The following CREB5 variants were observed in gnomAD, a reference collection of about 807,000 sequenced individuals.
The protein encoded by CREB5 is cyclic AMP-responsive element-binding protein 5.
In CREB5, 19 loss-of-function variants were observed where a neutral mutation model predicts 57.1. The observed-to-expected ratio is 0.33, with a 90% CI of 0.23 to 0.49. The LOEUF is 0.49. CREB5 is among the 20% of genes least tolerant of loss of function. The pLI, the probability that CREB5 is intolerant of heterozygous loss-of-function variation, is 0.99. For synonymous variants in CREB5, 238 were observed against 238.3 expected (o/e 1.00, Z 0.01); for missense variants, 579 against 671.6 (o/e 0.86, Z 1.52).
intron 5 of CREB5, among the ~76,000 whole-genome samples, chr7:28,580,009 T>C (rs918322205): frequency 1.3e-5 from 2 of 152,120 alleles, no homozygotes; most frequent in Admixed American, 6.6e-5. Flanking sequence ...AGAAGGTAAA[T>C]GAGGTAGTAG....
At chr7:28,481,417 G>A (rs1480532165) in intron 1 of CREB5, among the ~76,000 whole-genome samples, 1 of 152,068 alleles carries the variant, frequency 6.6e-6, no homozygotes, top group Non-Finnish European at 1.5e-5. Context: ...GGCCTTCTGG[G>A]GGAGACTACT....
intron 1 of CREB5, among the ~76,000 whole-genome samples, chr7:28,405,676 C>A (rs1479932891): frequency 6.6e-6 from 1 of 152,186 alleles, no homozygotes; most frequent in Non-Finnish European, 1.5e-5. Flanking sequence ...CTCAGCCTCC[C>A]AAAGAGCTGT....
rs188635395 is a variant in CREB5, at chr7:28,332,825, T to C, written c.-25+33384T>C. Among the ~76,000 whole-genome samples the C allele has an allele frequency of 1.5e-4, 23 of 152,350 alleles. No individual in the cohort carries two copies. The East Asian group carries it at 4.4e-3, about 29-fold the overall frequency. ...CATCATCATTTTACTAGCTACCTGG[T>C]TTTCATTGTATGGATTCCTATAATG... is the stretch of plus-strand genomic sequence containing the variant. On this transcript the variant is annotated intron_variant, in intron 1 of 9. Transcript: ENST00000396299.
intron 5 of CREB5, among the ~76,000 whole-genome samples, chr7:28,581,339 A>G (rs1796117493): frequency 6.6e-6 from 1 of 152,220 alleles, no homozygotes. Flanking sequence ...AAGTGTGGCC[A>G]GGGGATTTTT....
At chr7:28,543,162 G>C (rs955730522) in intron 4 of CREB5, among the ~76,000 whole-genome samples, 1 of 152,108 alleles carries the variant, frequency 6.6e-6, no homozygotes, top group South Asian at 2.1e-4. Flanking sequence ...ACAAATGTCT[G>C]TTGGCCATTT....
At chr7:28,303,101 C>G (rs1785126153) in intron 1 of CREB5, among the ~76,000 whole-genome samples, 1 of 143,604 alleles carries the variant, frequency 7.0e-6, no homozygotes, top group Non-Finnish European at 1.5e-5. Context: ...AAGATTGTGC[C>G]ATTGCACTCC....
At chr7:28,598,117 G>T (rs1348527966) in intron 5 of CREB5, among the ~76,000 whole-genome samples, 1 of 152,168 alleles carries the variant, frequency 6.6e-6, no homozygotes, top group Non-Finnish European at 1.5e-5. Context: ...CCCACATGTT[G>T]TGGGAGGGAC....
intron 7 of CREB5, among the ~76,000 whole-genome samples, chr7:28,747,579 G>C (rs1267490162): frequency 6.6e-6 from 1 of 152,150 alleles, no homozygotes; most frequent in Admixed American, 6.5e-5. Flanking sequence ...CTCCGAAGCT[G>C]AGCAGAGAGT....
At chr7:28,503,133 C>A (rs1792333475) in intron 3 of CREB5, among the ~76,000 whole-genome samples, 1 of 152,202 alleles carries the variant, frequency 6.6e-6, no homozygotes, top group Non-Finnish European at 1.5e-5. Flanking sequence ...GATAATGTGA[C>A]TGATTGGGTA....
chr7:28,782,059 G>C (rs1807017569), intron 7 of CREB5, among the ~76,000 whole-genome samples: 1 of 151,378 alleles, frequency 6.6e-6, no homozygotes, highest in Non-Finnish European at 1.5e-5. Flanking sequence ...CCGCCTGCCT[G>C]TAATCCCAGG....
chr7:28,560,699 G>A (rs934948435), intron 4 of CREB5, among the ~76,000 whole-genome samples: 10 of 151,942 alleles, frequency 6.6e-5, no homozygotes, highest in Admixed American at 2.0e-4. Flanking sequence ...GTGTTTAGTG[G>A]TGGAGTTTGG....
At chr7:28,623,801 TG>T (rs1339147294) in intron 5 of CREB5, among the ~76,000 whole-genome samples, 1 of 152,214 alleles carries the variant, frequency 6.6e-6, no homozygotes, top group African/African-American at 2.4e-5. Context: ...AGGAGTTTTG[TG>T]GTATGCAAGT....
chr7:28,416,329 A>G (rs1788022162), intron 1 of CREB5, among the ~76,000 whole-genome samples: 1 of 152,194 alleles, frequency 6.6e-6, no homozygotes, highest in South Asian at 2.1e-4. Flanking sequence ...AGGGGGAAAA[A>G]TACATGCAAC....
intron 8 of CREB5, among the ~76,000 whole-genome samples, chr7:28,804,781 A>G (rs532341785): frequency 6.6e-6 from 1 of 152,300 alleles, no homozygotes; most frequent in African/African-American, 2.4e-5. Flanking sequence ...TCCAAAATCT[A>G]TTTTTGCAGT....
chr7:28,626,698 G>C (rs1798007521), intron 5 of CREB5, among the ~76,000 whole-genome samples: 1 of 152,162 alleles, frequency 6.6e-6, no homozygotes, highest in South Asian at 2.1e-4. Context: ...TCTTTAGCCA[G>C]GGAGAGAAGG....
At chr7:28,766,447 G>T (rs1583697457) in intron 7 of CREB5, among the ~76,000 whole-genome samples, 1 of 152,190 alleles carries the variant, frequency 6.6e-6, no homozygotes, top group Non-Finnish European at 1.5e-5. Flanking sequence ...GCATTAACAT[G>T]CAAAGTCTGT....
At chr7:28,483,600 G>A (rs1293434081) in intron 1 of CREB5, among the ~76,000 whole-genome samples, 1 of 152,116 alleles carries the variant, frequency 6.6e-6, no homozygotes, top group East Asian at 1.9e-4. Flanking sequence ...GGCAGCATCT[G>A]CCACAATTAT....
chr7:28,575,848 G>A (rs748741111), intron 5 of CREB5, among the ~76,000 whole-genome samples: 5 of 152,150 alleles, frequency 3.3e-5, no homozygotes, highest in Non-Finnish European at 5.9e-5. Context: ...ATCCCATGCA[G>A]AGCCTTGAGA....
rs1176556871 is a variant in CREB5 at position 28,399,726 on chromosome 7, G to C, written c.-24-95180G>C. Among the ~76,000 whole-genome samples, 4 of 152,064 alleles carry C rather than the reference G, an allele frequency of 2.6e-5. No homozygotes were observed. The East Asian group carries it at 7.7e-4, about 29-fold the overall frequency. On this transcript the variant is annotated intron_variant, in intron 1 of 9. Transcript: ENST00000396299. ...GCCCAGGAGTTTGAGATCAGCCTGG[G>C]CAACATAGCAAGACCTTGTCTCTAC...
Sources: allele counts gnomAD v4.1 joint callset (sites outside exome capture counted in the v4.1 genomes callset), GRCh38; gene constraint gnomAD v4.1.1; transcripts MANE v1.5; gene names NCBI Gene and HGNC (gene_info 2026-07-23, HGNC 2026-07-21).